Variants in HCN1 observed in about 807,000 individuals in gnomAD.
HCN1 encodes the protein hyperpolarization activated cyclic nucleotide gated potassium channel 1, also known as potassium/sodium hyperpolarization-activated cyclic nucleotide-gated channel 1.
Under a neutral mutation model 78.9 loss-of-function variants are expected in HCN1, and 13 were observed. That is an observed-to-expected ratio of 0.16 (90% CI 0.11 to 0.26). The LOEUF is 0.26. HCN1 is among the 10% of genes least tolerant of loss of function. The pLI, the probability that HCN1 is intolerant of heterozygous loss-of-function variation, is 1.00. For missense variants in HCN1, 810 were observed against 1,154.3 expected (o/e 0.70, Z 4.32); for synonymous variants, 552 against 455.5 (o/e 1.21, Z -2.70).
At chr5:45,383,149 T>A (rs1387721131) in intron 4 of HCN1, among the ~76,000 whole-genome samples, 1 of 152,118 alleles carries the variant, frequency 6.6e-6, no homozygotes, top group Non-Finnish European at 1.5e-5. Flanking sequence ...AGAGCTGGGA[T>A]TTAACATTTT....
chr5:45,314,707 G>T (rs1283017563), intron 5 of HCN1, among the ~76,000 whole-genome samples: 1 of 152,004 alleles, frequency 6.6e-6, no homozygotes, highest in Non-Finnish European at 1.5e-5. Flanking sequence ...CAAAATAAAG[G>T]GATAGAGGAA....
chr5:45,377,281 C>A (rs1476147885), intron 4 of HCN1, among the ~76,000 whole-genome samples: 1 of 151,922 alleles, frequency 6.6e-6, no homozygotes, highest in Non-Finnish European at 1.5e-5. Flanking sequence ...ATAACTAGAT[C>A]TCAGATTTCA....
chr5:45,431,751 T>C (rs1466541257), intron 3 of HCN1, among the ~76,000 whole-genome samples: 1 of 152,110 alleles, frequency 6.6e-6, no homozygotes, highest in East Asian at 1.9e-4. Context: ...TATAGGTGTG[T>C]AGCATTATTT....
At chr5:45,305,445 G>T (rs1196542270) in intron 5 of HCN1, among the ~76,000 whole-genome samples, 1 of 152,094 alleles carries the variant, frequency 6.6e-6, no homozygotes, top group Non-Finnish European at 1.5e-5. Context: ...ACAATAATCA[G>T]AAAGTGAACC....
rs534018593 is a variant in HCN1, at chr5:45,291,432, T to C, written c.1618+12167A>G. On this transcript the variant is annotated intron_variant, in intron 6 of 7. Transcript: ENST00000303230. Reference sequence around the variant, plus strand: ...CTGGTTTAGCAAAGCTGGCATCCTTTTGCTCTTGGAACTGACCACCTCTGT... The same window carrying C: ...CTGGTTTAGCAAAGCTGGCATCCTTCTGCTCTTGGAACTGACCACCTCTGT... Among the ~76,000 whole-genome samples the C allele has an allele frequency of 1.1e-4, 17 of 152,218 alleles. No individual in the cohort carries two copies. In the South Asian group the frequency reaches 3.3e-3, roughly 30 times the overall value.
chr5:45,659,568 A>C (rs2112055535), intron 1 of HCN1, among the ~76,000 whole-genome samples: 1 of 146,988 alleles, frequency 6.8e-6, no homozygotes, highest in East Asian at 2.0e-4. Context: ...AAAAATTAGA[A>C]GAATGTAAAA....
chr5:45,641,426 A>G (rs940537242), intron 2 of HCN1, among the ~76,000 whole-genome samples: 4 of 152,196 alleles, frequency 2.6e-5, no homozygotes, highest in Non-Finnish European at 4.4e-5. Flanking sequence ...AAGACACATT[A>G]TTCATCTGAA....
chr5:45,477,644 CAAT>C (rs993117770), intron 2 of HCN1, among the ~76,000 whole-genome samples: 3 of 151,910 alleles, frequency 2.0e-5, no homozygotes, highest in Non-Finnish European at 4.4e-5. Context: ...TGAAAAACAA[CAAT>C]AACATTTTAG....
At chr5:45,319,930 T>C (rs1746088812) in intron 5 of HCN1, among the ~76,000 whole-genome samples, 1 of 151,900 alleles carries the variant, frequency 6.6e-6, no homozygotes. Flanking sequence ...CTGTATAAAG[T>C]CCAATTTCGT....
chr5:45,501,485 A>T (rs1027147356), intron 2 of HCN1, among the ~76,000 whole-genome samples: 7 of 151,618 alleles, frequency 4.6e-5, no homozygotes, highest in Admixed American at 1.3e-4. Flanking sequence ...CCCAGGCTGG[A>T]GTGTAGTGGC....
chr5:45,421,611 G>A (rs901888787), intron 3 of HCN1, among the ~76,000 whole-genome samples: 1 of 151,850 alleles, frequency 6.6e-6, no homozygotes, highest in Non-Finnish European at 1.5e-5. Flanking sequence ...AAAATATATT[G>A]GTTTGATTTA....
At chr5:45,405,706 C>A (rs1390461918) in intron 3 of HCN1, among the ~76,000 whole-genome samples, 2 of 152,076 alleles carry the variant, frequency 1.3e-5, no homozygotes, top group South Asian at 2.1e-4. Context: ...CTTTGCCCGG[C>A]GTATTTTTCT....
intron 2 of HCN1, among the ~76,000 whole-genome samples, chr5:45,626,127 T>C (rs1209893744): frequency 6.6e-6 from 1 of 152,170 alleles, no homozygotes; most frequent in Non-Finnish European, 1.5e-5. Flanking sequence ...ATGACAAAGC[T>C]CATTAGAAGC....
chr5:45,427,521 T>C (rs1171543259), intron 3 of HCN1, among the ~76,000 whole-genome samples: 1 of 152,126 alleles, frequency 6.6e-6, no homozygotes, highest in Admixed American at 6.5e-5. Flanking sequence ...TCTCTTCCTA[T>C]ACTATTCCTA....
At chr5:45,639,720 A>C (rs1745418260) in intron 2 of HCN1, among the ~76,000 whole-genome samples, 1 of 152,162 alleles carries the variant, frequency 6.6e-6, no homozygotes, top group Non-Finnish European at 1.5e-5. Context: ...TAGCTATCTA[A>C]AAAAGTACTG....
chr5:45,665,185 A>G (rs1182242346), intron 1 of HCN1, among the ~76,000 whole-genome samples: 1 of 151,822 alleles, frequency 6.6e-6, no homozygotes, highest in African/African-American at 2.4e-5. Flanking sequence ...ATTCTCAGTA[A>G]ACTATCGCAA....
chr5:45,354,528 A>T (rs1330604402), intron 4 of HCN1, among the ~76,000 whole-genome samples: 3 of 152,038 alleles, frequency 2.0e-5, no homozygotes, highest in African/African-American at 7.2e-5. Flanking sequence ...GCCCATAATT[A>T]TTGTAATTGT....
At chr5:45,335,599 C>A (rs1226952209) in intron 5 of HCN1, among the ~76,000 whole-genome samples, 2 of 151,990 alleles carry the variant, frequency 1.3e-5, no homozygotes, top group Non-Finnish European at 2.9e-5. Flanking sequence ...TCAGCACTTG[C>A]AAATAACTAC....
intron 5 of HCN1, among the ~76,000 whole-genome samples, chr5:45,344,233 G>T (rs1426206047): frequency 6.6e-6 from 1 of 152,018 alleles, no homozygotes; most frequent in Non-Finnish European, 1.5e-5. Flanking sequence ...GCGGGTAACT[G>T]CCCCATGATT....
Sources: allele counts gnomAD v4.1 joint callset (sites outside exome capture counted in the v4.1 genomes callset), GRCh38; gene constraint gnomAD v4.1.1; transcripts MANE v1.5; gene names NCBI Gene and HGNC (gene_info 2026-07-23, HGNC 2026-07-21).